SESN3: variants seen among roughly 807,000 people sequenced by gnomAD.
The protein encoded by SESN3 is sestrin-3.
A neutral mutation model predicts 55.3 loss-of-function variants in SESN3; 21 were observed. The ratio of observed to expected loss-of-function variants is 0.38; its 90% confidence interval spans 0.27 to 0.55. The LOEUF is 0.55. SESN3 is among the 20% of genes least tolerant of loss of function. The pLI, the probability that SESN3 is intolerant of heterozygous loss-of-function variation, is 0.76. For missense variants in SESN3, 408 were observed against 604.3 expected, an observed-to-expected ratio of 0.68 and a Z score of 3.41; for synonymous variants, 181 against 203.1, an observed-to-expected ratio of 0.89 and a Z score of 0.93.
chr11:95,191,376 A>T lies in SESN3; in HGVS notation c.342+28T>A, dbSNP rs199780286. On this transcript the variant is annotated intron_variant, in intron 3 of 9. Transcript: ENST00000536441. ...AGAAAGAATAAGTGAGGAAGGTGTT[A>T]TGTGAACATAGGAAAATAAGCACCC... The T allele has an allele frequency of 4.6e-6, 7 of 1,516,216 alleles. No homozygotes were observed. In the African/African-American group the frequency reaches 8.2e-5, roughly 18 times the overall value. The allele number at this position is 1,516,216 out of a possible 1,614,324, so 93.9% of individuals were successfully genotyped here.
chr11:95,221,795 T>A (rs1320932767), intron 1 of SESN3, among the ~76,000 whole-genome samples: 1 of 152,220 alleles, frequency 6.6e-6, no homozygotes, highest in Non-Finnish European at 1.5e-5. Context: ...AAATATCTCA[T>A]AATATTCATG....
At chr11:95,185,982 T>G (rs917378384) in intron 4 of SESN3, among the ~76,000 whole-genome samples, 1 of 151,986 alleles carries the variant, frequency 6.6e-6, no homozygotes, top group Non-Finnish European at 1.5e-5. Context: ...GAATACTACC[T>G]CACATCTGAA....
chr11:95,217,788 C>G (rs1367160236), intron 1 of SESN3, among the ~76,000 whole-genome samples: 1 of 151,986 alleles, frequency 6.6e-6, no homozygotes, highest in Non-Finnish European at 1.5e-5. Context: ...AACCATGGAA[C>G]GCATCATATA....
chr11:95,216,097 C>CA (rs1216457587), intron 1 of SESN3, among the ~76,000 whole-genome samples: 226 of 50,698 alleles, frequency 4.5e-3, no homozygotes, highest in Admixed American at 4.6e-3. Context: ...GACTCCATCT[C>CA]AAAAAAAAAA....
rs908104148 is a variant in SESN3 at position 95,169,413 on chromosome 11, C to G, written c.*3842G>C. 6.6e-6 allele frequency: 1 copy of G among 152,174 alleles called. No homozygotes were observed. The highest frequency in any genetic ancestry group is 1.5e-5 in the Non-Finnish European group (1 of 68,026). The allele number at this position is 152,174 out of a possible 1,614,324, so 9.4% of individuals were successfully genotyped here. On this transcript the variant is annotated 3_prime_UTR_variant, in exon 10 of 10. Coordinates refer to ENST00000536441, the MANE Select transcript of SESN3 (RefSeq NM_144665.4). ...TGTGCTACTAAGCAAATGTGATATA[C>G]TATTTACATAACAAACATTATTGTT...
Position 95,191,423 on chromosome 11 carries a change from C to T in SESN3, c.323G>A (p.Arg108Lys), listed in dbSNP as rs765984536. Residue 108 changes from arginine (R) to lysine (K), a missense_variant, in exon 3 of 10, where the codon AGG becomes AAG. Physicochemically the swap from Arg to Lys is conservative, Grantham distance 26. Coordinates refer to ENST00000536441, the MANE Select transcript of SESN3 (RefSeq NM_144665.4). ...RMDGPLPLPY[R>K]HYIAIMAAAR... The stretch of plus-strand genomic sequence containing the variant: ...ACCCACCATTATTGCAATATAGTGC[C>T]TGTATGGTAGAGGAAGGGGACCATC... The T allele has an allele frequency of 6.2e-7, 1 of 1,612,236 alleles. No homozygotes were observed.
Position 95,168,411 on chromosome 11 carries a change from C to T in SESN3, c.*4844G>A, listed in dbSNP as rs948898091. On this transcript the variant is annotated 3_prime_UTR_variant, in exon 10 of 10. Coordinates refer to ENST00000536441, the MANE Select transcript of SESN3 (RefSeq NM_144665.4). ...GATAGAAATAGTTCAATTTCTGTAT[C>T]ATGTATAAATATAAAGTTTCCTACT... 2 of 152,118 alleles carry T rather than the reference C, an allele frequency of 1.3e-5. No individual in the cohort carries two copies. The highest frequency in any genetic ancestry group is 1.3e-4 in the Admixed American group (2 of 15,264). 9.4% of individuals were successfully genotyped at this position (152,118 alleles called of 1,614,324 possible). A position where few individuals can be genotyped will look rare whatever the true frequency, so the allele number is the denominator to read the frequency against.
intron 1 of SESN3, among the ~76,000 whole-genome samples, chr11:95,229,708 A>C (rs1861015633): frequency 6.6e-6 from 1 of 152,168 alleles, no homozygotes; most frequent in Non-Finnish European, 1.5e-5. Flanking sequence ...AACAATCCCA[A>C]AGTGAACCGT....
At chr11:95,205,287 AT>A (rs1417896508) in intron 1 of SESN3, among the ~76,000 whole-genome samples, 1 of 152,018 alleles carries the variant, frequency 6.6e-6, no homozygotes, top group Non-Finnish European at 1.5e-5. Flanking sequence ...AAATAATTAT[AT>A]TTGTCTTTTA....
At chr11:95,195,030 G>A (rs1030454562) in intron 1 of SESN3, among the ~76,000 whole-genome samples, 1 of 151,700 alleles carries the variant, frequency 6.6e-6, no homozygotes. Flanking sequence ...CTGATTATGA[G>A]GAAAAATTAT....
At chr11:95,203,943 C>T (rs1472083283) in intron 1 of SESN3, 2 of 152,870 alleles carry the variant, frequency 1.3e-5, no homozygotes, top group Non-Finnish European at 2.9e-5. Flanking sequence ...AATGAGGCTT[C>T]TAAGAAGCAG....
chr11:95,172,988 T>C lies in SESN3; in HGVS notation c.*267A>G, dbSNP rs902455872. The C allele has an allele frequency of 2.8e-6, 1 of 358,120 alleles. No homozygotes were observed. The highest frequency in any genetic ancestry group is 5.1e-6 in the Non-Finnish European group (1 of 195,914). 22.2% of individuals were successfully genotyped at this position (358,120 alleles called of 1,614,324 possible). ...ATTAATACGCCAGATTCATGATTTA[T>C]GATCAGTATCCAAAACTCCAACTAC... On this transcript the variant is annotated 3_prime_UTR_variant, in exon 10 of 10. Transcript: ENST00000536441.
chr11:95,193,496 G>C lies in SESN3; in HGVS notation c.105C>G (p.Pro35=), dbSNP rs531133137. The stretch of plus-strand genomic sequence containing the variant: ...TAAAGGCACTTGGTCCTCTTGTCAA[G>C]GGTTGAGACACTCTGATTCTTTTAT... ...RKDKRIRVSQ[P]LTRGPSAFIP... Residue 35 remains proline, a synonymous_variant, in exon 2 of 10, where the codon CCC becomes CCG. Coordinates refer to ENST00000536441, the MANE Select transcript of SESN3 (RefSeq NM_144665.4). 4.4e-6 allele frequency: 7 copies of C among 1,594,150 alleles called. No individual in the cohort carries two copies. The highest frequency in any genetic ancestry group is 4.0e-5 in the African/African-American group (3 of 74,404).
At chr11:95,183,864 C>T (rs1366036348) in intron 6 of SESN3, among the ~76,000 whole-genome samples, 1 of 152,018 alleles carries the variant, frequency 6.6e-6, no homozygotes, top group African/African-American at 2.4e-5. Flanking sequence ...TTCAAGACTA[C>T]AGCAAAGAAT....
chr11:95,201,263 C>T (rs750733296), intron 1 of SESN3: 1 of 151,972 alleles, frequency 6.6e-6, no homozygotes, highest in African/African-American at 2.4e-5. Context: ...AAATGGCAGC[C>T]ATGAGTACTG....
At position 95,230,361 on chromosome 11, in the gene SESN3, G is replaced by C. The variant is rs1386414128; in HGVS notation, c.78+422C>G. ...CGCAAGAGTTAGCCACAGCAAAGAG[G>C]GGCCAGGTTCCTCGGGATCCGACCC... On this transcript the variant is annotated intron_variant, in intron 1 of 9. Transcript: ENST00000536441. This position sits in a 1 kb window ranked among gnomAD's most constrained non-coding sequence, Gnocchi z 4.6. 6.0e-6 allele frequency: 1 copy of C among 165,934 alleles called. No individual in the cohort carries two copies. The highest frequency in any genetic ancestry group is 1.3e-5 in the Non-Finnish European group (1 of 76,748). The allele number at this position is 165,934 out of a possible 1,614,324, so 10.3% of individuals were successfully genotyped here.
In SESN3 at chr11:95,230,864, G is replaced by C. The variant is rs999258147; in HGVS notation, c.-4C>G. On this transcript the variant is annotated 5_prime_UTR_variant, in exon 1 of 10. Coordinates refer to ENST00000536441, the MANE Select transcript of SESN3 (RefSeq NM_144665.4). This position sits in a 1 kb window ranked among gnomAD's most constrained non-coding sequence, Gnocchi z 4.6. ...GGCTGCCGCCGCCCCGGTTCATCGT[G>C]GCTGCGGGCGCCGAGGCGAGAGCGG... The C allele has an allele frequency of 9.5e-6, 15 of 1,573,668 alleles. No homozygotes were observed. In the Admixed American group the frequency reaches 2.7e-4, roughly 29 times the overall value.
intron 3 of SESN3, among the ~76,000 whole-genome samples, chr11:95,190,440 C>T (rs1176173617): frequency 6.6e-6 from 1 of 151,926 alleles, no homozygotes; most frequent in African/African-American, 2.4e-5. Context: ...CTCACTGACC[C>T]TTTTCTTCCT....
chr11:95,228,174 T>C (rs970375741), intron 1 of SESN3, among the ~76,000 whole-genome samples: 1 of 152,210 alleles, frequency 6.6e-6, no homozygotes, highest in Non-Finnish European at 1.5e-5. Context: ...TAATTCAATA[T>C]TCAGGCATTG....
Sources: gnomAD v4.1 joint callset for allele counts (sites outside exome capture counted in the v4.1 genomes callset) on GRCh38, gnomAD v4.1.1 for gene constraint, Gnocchi (gnomAD v3.1) non-coding constraint, MANE v1.5 for transcripts, NCBI Gene and HGNC (gene_info 2026-07-23, HGNC 2026-07-21) for gene names.